Variants in ARPP21 observed in about 807,000 individuals in gnomAD.
ARPP21 encodes cAMP-regulated phosphoprotein 21.
ARPP21 carries 69 observed loss-of-function variants against 113.2 expected under a neutral mutation model. The observed-to-expected ratio is 0.61, with a 90% confidence interval of 0.50 to 0.74. The LOEUF (loss-of-function observed/expected upper bound fraction) is 0.74. Ranked by LOEUF, ARPP21 falls within the 30% of genes least tolerant of loss-of-function variation. The pLI is 0.00. For missense variants in ARPP21, 1,070 were observed against 1,037.4 expected (o/e 1.03, Z -0.43); for synonymous variants, 368 against 375.5 (o/e 0.98, Z 0.23).
intron 1 of ARPP21, among the ~76,000 whole-genome samples, chr3:35,666,413 T>A (rs1174559596): frequency 6.6e-6 from 1 of 152,224 alleles, no homozygotes; most frequent in African/African-American, 2.4e-5. Flanking sequence ...GATTTTGAGT[T>A]GTTTTGATTT....
At chr3:35,685,563 T>A (rs1296590338) in intron 5 of ARPP21, 1 of 984,522 alleles carries the variant, frequency 1.0e-6, no homozygotes, top group Non-Finnish European at 1.2e-6. Context: ...GTATACAGTA[T>A]ATGGATTGTA....
At chr3:35,679,293 G>A (rs1055545025) in intron 1 of ARPP21, among the ~76,000 whole-genome samples, 1 of 151,796 alleles carries the variant, frequency 6.6e-6, no homozygotes, top group Non-Finnish European at 1.5e-5. Flanking sequence ...TATAGAGAAT[G>A]TTTCATTAAA....
chr3:35,663,863 T>C (rs1575556114), intron 1 of ARPP21, among the ~76,000 whole-genome samples: 1 of 152,192 alleles, frequency 6.6e-6, no homozygotes, highest in Non-Finnish European at 1.5e-5. Flanking sequence ...TAATGCTTCA[T>C]GGCACCCAAG....
chr3:35,753,382 A>G (rs1389615185), intron 19 of ARPP21, among the ~76,000 whole-genome samples: 2 of 152,030 alleles, frequency 1.3e-5, no homozygotes, highest in East Asian at 3.9e-4. Flanking sequence ...AAATTTTCAA[A>G]GGTATAATAT....
intron 1 of ARPP21, among the ~76,000 whole-genome samples, chr3:35,643,134 A>T (rs1017260368): frequency 2.0e-5 from 3 of 152,162 alleles, no homozygotes; most frequent in African/African-American, 7.2e-5. Flanking sequence ...GTTGATTTTC[A>T]TATTAACAAC....
intron 19 of ARPP21, among the ~76,000 whole-genome samples, chr3:35,764,901 A>G (rs1186875721): frequency 6.6e-6 from 1 of 152,092 alleles, no homozygotes; most frequent in Non-Finnish European, 1.5e-5. Context: ...CAAGCAGTTT[A>G]ACATTCATTA....
intron 15 of ARPP21, among the ~76,000 whole-genome samples, chr3:35,735,680 C>T (rs1012275758): frequency 6.6e-6 from 1 of 152,200 alleles, no homozygotes; most frequent in East Asian, 1.9e-4. Flanking sequence ...AAATATCAAC[C>T]CCATCCTGGG....
intron 1 of ARPP21, among the ~76,000 whole-genome samples, chr3:35,662,653 G>T (rs1708347930): frequency 1.3e-5 from 2 of 152,178 alleles, no homozygotes; most frequent in South Asian, 4.1e-4. Context: ...AGGGCTTCTA[G>T]TACCCTCTTG....
rs543655013 is a variant in ARPP21, at chr3:35,689,975, T to C, written c.486-106T>C. 1.1e-3 allele frequency: 696 copies of C among 652,836 alleles called. 1 individual carries two copies. Among genetic ancestry groups the C allele is most frequent in the Non-Finnish European group, 1.6e-3 (590 of 358,366 alleles). 40.4% of individuals were successfully genotyped at this position (652,836 alleles called of 1,614,324 possible). Reference sequence around the variant, plus strand: ...CAAAGAAGAGTTAGGTATAAGTTTGTAGCAGCATACATTTAAGTAATCTTT... The same window carrying C: ...CAAAGAAGAGTTAGGTATAAGTTTGCAGCAGCATACATTTAAGTAATCTTT... On this transcript the variant is annotated intron_variant, in intron 7 of 20. Transcript: ENST00000684406.
Position 35,681,650 on chromosome 3 carries a change from A to C in ARPP21, c.-38-64A>C. ...ATTTGAATATGAAAGGAGAAATGAA[A>C]TCTCTAAAGAATGATAGTAAATACC... is the stretch of plus-strand genomic sequence containing the variant. On this transcript the variant is annotated intron_variant, in intron 2 of 20. Transcript: ENST00000684406. 2 of 807,494 alleles carry C rather than the reference A, an allele frequency of 2.5e-6. 1 individual carries two copies. The highest frequency in any genetic ancestry group is 4.7e-5 in the South Asian group (2 of 42,900). The allele number at this position is 807,494 out of a possible 1,614,324, so 50.0% of individuals were successfully genotyped here. A position where few individuals can be genotyped will look rare whatever the true frequency, so the allele number is the denominator to read the frequency against.
chr3:35,716,673 A>ATTCATG (rs2092447470), intron 12 of ARPP21, among the ~76,000 whole-genome samples: 1 of 152,076 alleles, frequency 6.6e-6, no homozygotes, highest in African/African-American at 2.4e-5. Flanking sequence ...AGATTAAGTG[A>ATTCATG]GCATTCACAA....
rs1017165353 is a variant in ARPP21 at position 35,731,140 on chromosome 3, G to T, written c.1459+1604G>T. 2.0e-5 allele frequency among the ~76,000 whole-genome samples: 3 copies of T among 152,250 alleles called. No homozygotes were observed. The South Asian group carries it at 6.2e-4, about 32-fold the overall frequency. ...ACATTTTAACCACTTGTTTTGAGTG[G>T]TTTGTTTTAAGCAAAATTACAGAGT... On this transcript the variant is annotated intron_variant, in intron 15 of 20. Transcript: ENST00000684406.
In ARPP21 at chr3:35,709,054, G is replaced by T; in HGVS notation, c.881G>T (p.Arg294Ile). 6.2e-7 allele frequency: 1 copy of T among 1,607,192 alleles called. No homozygotes were observed. The highest frequency in any genetic ancestry group is 8.5e-7 in the Non-Finnish European group (1 of 1,173,790). ...GAGGAATATCAGAGAGTGAGGGAGA[G>T]AATATTTGCACACGATGTGAGTAGT... ...REEEYQRVRE[R>I]IFAHDSVCSQ... Residue 294 changes from arginine (R) to isoleucine (I), a missense_variant, in exon 11 of 21, where the codon AGA becomes ATA. Coordinates refer to ENST00000684406, the MANE Select transcript of ARPP21 (RefSeq NM_001385562.1).
chr3:35,685,707 A>G (rs1317686641), intron 5 of ARPP21: 1 of 984,056 alleles, frequency 1.0e-6, no homozygotes, highest in East Asian at 1.1e-4. Flanking sequence ...CTTAAGTTAA[A>G]AGAATTTTGC....
intron 5 of ARPP21, chr3:35,685,555 A>G (rs539079552): frequency 1.5e-5 from 15 of 984,896 alleles, no homozygotes; most frequent in Non-Finnish European, 1.8e-5. Context: ...TGGCAGATGT[A>G]TACAGTATAT....
intron 1 of ARPP21, among the ~76,000 whole-genome samples, chr3:35,648,947 G>A (rs560023327): frequency 6.6e-6 from 1 of 152,234 alleles, no homozygotes; most frequent in Non-Finnish European, 1.5e-5. Flanking sequence ...GGAAAGTGTA[G>A]ATATATTTTG....
chr3:35,655,013 T>C lies in ARPP21; in HGVS notation c.-213+14615T>C, dbSNP rs567419502. Among the ~76,000 whole-genome samples, 7 of 152,048 alleles carry C rather than the reference T, an allele frequency of 4.6e-5. No homozygotes were observed. The East Asian group carries it at 1.4e-3, about 29-fold the overall frequency. ...ATGAAATGGAAAATCTTAGAAATAA[T>C]ATTTATAGGTAAATATAAGGATTTA... On this transcript the variant is annotated intron_variant, in intron 1 of 20. Coordinates refer to ENST00000684406, the MANE Select transcript of ARPP21 (RefSeq NM_001385562.1).
Position 35,791,455 on chromosome 3 carries a change from T to C in ARPP21, c.2138-927T>C, listed in dbSNP as rs557800973. 1.4e-4 allele frequency among the ~76,000 whole-genome samples: 21 copies of C among 152,308 alleles called. No individual in the cohort carries two copies. In the South Asian group the frequency reaches 4.3e-3, roughly 32 times the overall value. Reference sequence around the variant, plus strand: ...TTATACAGCATAAAATGAATGTCTTTCATTTCTCTACCACTGTGTCATTTT... The same window carrying C: ...TTATACAGCATAAAATGAATGTCTTCCATTTCTCTACCACTGTGTCATTTT... On this transcript the variant is annotated intron_variant, in intron 19 of 20. Transcript: ENST00000684406.
chr3:35,693,277 C>T (rs1192983068), intron 9 of ARPP21, among the ~76,000 whole-genome samples: 1 of 151,596 alleles, frequency 6.6e-6, no homozygotes, highest in Non-Finnish European at 1.5e-5. Flanking sequence ...GACTGTATGT[C>T]ATGGACTTTC....
Sources: allele counts gnomAD v4.1 joint callset (sites outside exome capture counted in the v4.1 genomes callset), GRCh38; gene constraint gnomAD v4.1.1; transcripts MANE v1.5; gene names NCBI Gene and HGNC (gene_info 2026-07-23, HGNC 2026-07-21).